PTN: variants seen among roughly 807,000 people sequenced by gnomAD.
PTN encodes pleiotrophin.
Under a neutral mutation model 24.1 loss-of-function variants are expected in PTN, and 18 were observed. The ratio of observed to expected loss-of-function variants is 0.75; its 90% CI spans 0.52 to 1.11. The LOEUF is 1.11. PTN is among the 50% of genes least tolerant of loss of function. The pLI, the probability that PTN is intolerant of heterozygous loss-of-function variation, is 0.00. For missense variants in PTN, 163 were observed against 198.8 expected, an observed-to-expected ratio of 0.82 and a Z score of 1.08; for synonymous variants, 78 against 68.6, an observed-to-expected ratio of 1.14 and a Z score of -0.67.
chr7:137,249,132 T>G (rs1271465934), intron 4 of PTN, among the ~76,000 whole-genome samples: 1 of 152,182 alleles, frequency 6.6e-6, no homozygotes, highest in Admixed American at 6.5e-5. Context: ...TTCCCTGCTG[T>G]GTCCCATTTA....
At chr7:137,265,610 G>C (rs537557609) in intron 1 of PTN, among the ~76,000 whole-genome samples, 5 of 152,350 alleles carry the variant, frequency 3.3e-5, no homozygotes, top group Admixed American at 1.3e-4. Flanking sequence ...ATATAGCAGA[G>C]AGAGCCTGGC....
chr7:137,244,554 C>T lies in PTN; in HGVS notation c.451+6676G>A, dbSNP rs548559722. On this transcript the variant is annotated intron_variant, in intron 4 of 4. Coordinates refer to ENST00000348225, the MANE Select transcript of PTN (RefSeq NM_002825.7). ...CCTCCTCCCACCCCACAACAAGCCC[C>T]GGTGTGTGATGTCCCCCTTCCTGTG... Among the ~76,000 whole-genome samples, 12 of 151,838 alleles carry T rather than the reference C, an allele frequency of 7.9e-5. No homozygotes were observed. In the South Asian group the frequency reaches 1.3e-3, roughly 16 times the overall value.
intron 1 of PTN, among the ~76,000 whole-genome samples, chr7:137,342,558 TTATGTCATGGAGAAAGGG>T (rs1810552477): frequency 1.3e-5 from 2 of 151,580 alleles, no homozygotes; most frequent in Non-Finnish European, 2.9e-5. Context: ...TTGTGTCACA[TTATGTCATGGAGAAAGGG>T]GTGTGTGTGT....
intron 4 of PTN, among the ~76,000 whole-genome samples, chr7:137,239,192 T>C (rs1808576027): frequency 6.6e-6 from 1 of 152,132 alleles, no homozygotes; most frequent in African/African-American, 2.4e-5. Context: ...ATGACTCTGA[T>C]CCCAAGTGAG....
At chr7:137,283,688 G>A (rs1809507995) in intron 1 of PTN, among the ~76,000 whole-genome samples, 1 of 152,066 alleles carries the variant, frequency 6.6e-6, no homozygotes, top group South Asian at 2.1e-4. Flanking sequence ...TTTCGCAATG[G>A]TGAAATATTT....
chr7:137,268,767 T>C (rs1387827002), intron 1 of PTN, among the ~76,000 whole-genome samples: 1 of 152,222 alleles, frequency 6.6e-6, no homozygotes, highest in African/African-American at 2.4e-5. Flanking sequence ...CTGGGTTACC[T>C]GCCTTTTGTT....
At chr7:137,265,939 A>G (rs1809135563) in intron 1 of PTN, among the ~76,000 whole-genome samples, 1 of 152,186 alleles carries the variant, frequency 6.6e-6, no homozygotes, top group East Asian at 1.9e-4. Context: ...GCCAAATACC[A>G]TTTTACATTT....
intron 1 of PTN, among the ~76,000 whole-genome samples, chr7:137,290,356 C>A (rs1430595971): frequency 6.6e-6 from 1 of 152,104 alleles, no homozygotes; most frequent in African/African-American, 2.4e-5. Flanking sequence ...CAAGGGTTAA[C>A]CTGTGATTAA....
chr7:137,272,246 T>A (rs2128874538), intron 1 of PTN, among the ~76,000 whole-genome samples: 1 of 152,226 alleles, frequency 6.6e-6, no homozygotes, highest in East Asian at 1.9e-4. Context: ...GGAGGCACCT[T>A]TCAGTCTGTC....
At chr7:137,319,761 T>A (rs1810133244) in intron 1 of PTN, among the ~76,000 whole-genome samples, 1 of 152,236 alleles carries the variant, frequency 6.6e-6, no homozygotes. Flanking sequence ...TTTGCCGGAA[T>A]GGGCTGGGCG....
rs185698866 is a variant in PTN, at chr7:137,286,776, T to C, written c.-1-31802A>G. On this transcript the variant is annotated intron_variant, in intron 1 of 4. Coordinates refer to ENST00000348225, the MANE Select transcript of PTN (RefSeq NM_002825.7). ...ATGAGTTAAAAAGCAGAAGTTACCA[T>C]ATATATGGTACTAAACTTTCTTCTT... Among the ~76,000 whole-genome samples the C allele has an allele frequency of 9.9e-5, 15 of 152,254 alleles. No individual in the cohort carries two copies. In the East Asian group the frequency reaches 2.9e-3, roughly 29 times the overall value.
chr7:137,251,409 C>A lies in PTN; in HGVS notation c.290-18G>T. 2 of 1,609,476 alleles carry A rather than the reference C, an allele frequency of 1.2e-6. No homozygotes were observed. Among genetic ancestry groups the A allele is most frequent in the Non-Finnish European group, 1.7e-6 (2 of 1,176,892 alleles). ...GCACTCCGCTAAAGGCAGGGTAGAA[C>A]CAAACAGAAATCCTTGAAAGATCCT... On this transcript the variant is annotated intron_variant, in intron 3 of 4. Coordinates refer to ENST00000348225, the MANE Select transcript of PTN (RefSeq NM_002825.7).
At chr7:137,232,930 T>C (rs1808453182) in intron 4 of PTN, among the ~76,000 whole-genome samples, 2 of 151,974 alleles carry the variant, frequency 1.3e-5, no homozygotes, top group Admixed American at 1.3e-4. Flanking sequence ...CCGCCATGAT[T>C]GTATGTTTCC....
chr7:137,260,330 C>A (rs1473819993), intron 1 of PTN, among the ~76,000 whole-genome samples: 1 of 152,080 alleles, frequency 6.6e-6, no homozygotes, highest in African/African-American at 2.4e-5. Context: ...AGAAAAACCA[C>A]ACAAACCCAC....
chr7:137,284,253 G>A (rs1024750201), intron 1 of PTN, among the ~76,000 whole-genome samples: 2 of 151,982 alleles, frequency 1.3e-5, no homozygotes, highest in African/African-American at 2.4e-5. Context: ...ACCGCGCCGG[G>A]CCGAGCATCA....
chr7:137,288,954 G>T (rs1809599507), intron 1 of PTN, among the ~76,000 whole-genome samples: 1 of 152,064 alleles, frequency 6.6e-6, no homozygotes, highest in East Asian at 1.9e-4. Flanking sequence ...CCTCCCTACT[G>T]AAATAATGTT....
chr7:137,336,521 C>G (rs898278802), intron 1 of PTN, among the ~76,000 whole-genome samples: 1 of 152,168 alleles, frequency 6.6e-6, no homozygotes, highest in African/African-American at 2.4e-5. Flanking sequence ...GCATCGGAGA[C>G]TTTGCCTGCC....
chr7:137,311,080 G>C (rs747722700), intron 1 of PTN, among the ~76,000 whole-genome samples: 1 of 151,620 alleles, frequency 6.6e-6, no homozygotes, highest in Non-Finnish European at 1.5e-5. Flanking sequence ...AAAAATACAA[G>C]AATTAGCTGG....
chr7:137,267,074 G>T (rs538496549), intron 1 of PTN, among the ~76,000 whole-genome samples: 5 of 152,092 alleles, frequency 3.3e-5, no homozygotes, highest in South Asian at 2.1e-4. Context: ...TCAATTATAG[G>T]TTTTAAATAT....
Sources: gnomAD v4.1 joint callset for allele counts (sites outside exome capture counted in the v4.1 genomes callset) on GRCh38, gnomAD v4.1.1 for gene constraint, MANE v1.5 for transcripts, NCBI Gene and HGNC (gene_info 2026-07-23, HGNC 2026-07-21) for gene names.